INPP4B: variants seen among roughly 807,000 people sequenced by gnomAD.
The protein encoded by INPP4B is inositol polyphosphate-4-phosphatase type II B, also known as inositol polyphosphate 4-phosphatase type II.
INPP4B carries 55 observed loss-of-function variants against 122.5 expected under a neutral mutation model. The ratio of observed to expected loss-of-function variants is 0.45; its 90% CI spans 0.36 to 0.56. INPP4B has a LOEUF of 0.56. Among genes scored for constraint, INPP4B ranks in the 20% least tolerant of loss-of-function variants. The probability of loss-of-function intolerance (pLI) is 0.00; values close to 1 mark genes in which losing one functional copy is unlikely to be tolerated. For missense variants in INPP4B, 1,000 were observed against 1,097.7 expected (o/e 0.91, Z 1.26); for synonymous variants, 403 against 388.7 (o/e 1.04, Z -0.43).
chr4:142,691,974 T>A (rs1275565547), intron 2 of INPP4B, among the ~76,000 whole-genome samples: 1 of 152,150 alleles, frequency 6.6e-6, no homozygotes, highest in African/African-American at 2.4e-5. Flanking sequence ...TATGAAGAAT[T>A]ACAGAATGTT....
At chr4:142,037,158 G>GAA (rs1362633801) in intron 25 of INPP4B, among the ~76,000 whole-genome samples, 1 of 152,138 alleles carries the variant, frequency 6.6e-6, no homozygotes, top group Non-Finnish European at 1.5e-5. Context: ...CTGCAGGATA[G>GAA]AAAATGATCT....
chr4:142,234,039 G>A (rs186182590), intron 12 of INPP4B, among the ~76,000 whole-genome samples: 31 of 152,066 alleles, frequency 2.0e-4, no homozygotes, highest in African/African-American at 6.8e-4. Context: ...TGTTCCACTG[G>A]GTTCTACAGG....
chr4:142,115,942 G>A (rs895081161), intron 21 of INPP4B, among the ~76,000 whole-genome samples: 1 of 152,020 alleles, frequency 6.6e-6, no homozygotes, highest in Admixed American at 6.6e-5. Flanking sequence ...ACACACATAG[G>A]CTCAAAATAA....
intron 7 of INPP4B, among the ~76,000 whole-genome samples, chr4:142,370,918 G>T (rs943515705): frequency 1.2e-4 from 18 of 151,988 alleles, no homozygotes; most frequent in Non-Finnish European, 1.8e-4. Flanking sequence ...CCTCATAGAA[G>T]TAGAAAAAGA....
chr4:142,099,235 T>C (rs17468315), intron 23 of INPP4B, among the ~76,000 whole-genome samples: 15,688 of 152,226 alleles, frequency 0.1, 1,089 homozygotes, highest in South Asian at 0.21. Flanking sequence ...TTGGGACATT[T>C]TCAAACTTAA....
At chr4:142,183,530 A>G (rs1461746045) in intron 15 of INPP4B, among the ~76,000 whole-genome samples, 1 of 147,890 alleles carries the variant, frequency 6.8e-6, no homozygotes, top group Non-Finnish European at 1.5e-5. Flanking sequence ...AATATAGTAT[A>G]TTTTATTTGT....
chr4:142,067,219 A>G (rs1045343969), intron 25 of INPP4B, among the ~76,000 whole-genome samples: 1 of 152,156 alleles, frequency 6.6e-6, no homozygotes, highest in Non-Finnish European at 1.5e-5. Flanking sequence ...CAGGGTCTGG[A>G]GTGGACCTCC....
chr4:142,457,546 G>A lies in INPP4B; in HGVS notation c.-127+5117C>T, dbSNP rs145485408. ...TAAATAAGCACATGGAAAAAATGTT[G>A]TGTCATTAGTCATTAAGAATATATA... On this transcript the variant is annotated intron_variant, in intron 3 of 25. Transcript: ENST00000262992. Among the ~76,000 whole-genome samples the A allele has an allele frequency of 5.9e-5, 9 of 152,240 alleles. 1 individual carries two copies. Among genetic ancestry groups the A allele is most frequent in the South Asian group, 2.1e-4 (1 of 4,820 alleles).
intron 3 of INPP4B, among the ~76,000 whole-genome samples, chr4:142,445,361 A>T (rs1044413230): frequency 6.6e-6 from 1 of 151,428 alleles, no homozygotes; most frequent in East Asian, 1.9e-4. Context: ...TAATGACTGA[A>T]TTTGCAAAAA....
intron 1 of INPP4B, among the ~76,000 whole-genome samples, chr4:142,757,687 G>A (rs1192002591): frequency 6.6e-6 from 1 of 151,912 alleles, no homozygotes; most frequent in African/African-American, 2.4e-5. Flanking sequence ...CTCACCTACT[G>A]AAAGGCACCT....
intron 9 of INPP4B, among the ~76,000 whole-genome samples, chr4:142,294,829 C>CAAAAAAAAGAAAAAAAA (rs1757909667): frequency 7.0e-5 from 2 of 28,462 alleles, no homozygotes; most frequent in Non-Finnish European, 6.4e-5. Context: ...GACTCCGTCT[C>CAAAAAAAAGAAAAAAAA]AAAAAAAAAA....
chr4:142,208,861 T>C lies in INPP4B; in HGVS notation c.967+35A>G. The stretch of plus-strand genomic sequence containing the variant: ...TTCATTTCACATGCAGGAAATGCAA[T>C]TCACTTTGAGTAAGTAGAGAAATTG... On this transcript the variant is annotated intron_variant, in intron 13 of 25. Coordinates refer to ENST00000262992, the MANE Select transcript of INPP4B (RefSeq NM_001101669.3). 2.1e-6 allele frequency: 3 copies of C among 1,431,720 alleles called. No homozygotes were observed. The South Asian group carries it at 5.0e-5, about 24-fold the overall frequency. The allele number at this position is 1,431,720 out of a possible 1,614,324, so 88.7% of individuals were successfully genotyped here.
intron 2 of INPP4B, among the ~76,000 whole-genome samples, chr4:142,691,823 C>G (rs72728604): frequency 0.022 from 3,305 of 152,220 alleles, 54 homozygotes; most frequent in Non-Finnish European, 0.032. Flanking sequence ...GGGGGACAAG[C>G]AAAAGGCTTG....
chr4:142,371,882 A>G (rs1790054774), intron 7 of INPP4B, among the ~76,000 whole-genome samples: 1 of 151,782 alleles, frequency 6.6e-6, no homozygotes, highest in African/African-American at 2.4e-5. Flanking sequence ...AGTCTCTCAA[A>G]AAAAAAAAAA....
intron 7 of INPP4B, among the ~76,000 whole-genome samples, chr4:142,355,526 C>T (rs1424566087): frequency 3.9e-5 from 6 of 151,960 alleles, no homozygotes; most frequent in African/African-American, 1.4e-4. Flanking sequence ...ACTCACTAAA[C>T]CCACAATCAA....
intron 2 of INPP4B, among the ~76,000 whole-genome samples, chr4:142,631,566 A>G (rs1747961130): frequency 1.3e-5 from 2 of 152,142 alleles, no homozygotes; most frequent in Non-Finnish European, 2.9e-5. Flanking sequence ...TATTGAGGAC[A>G]TTAAGCCATG....
intron 1 of INPP4B, among the ~76,000 whole-genome samples, chr4:142,743,362 G>A (rs1472203393): frequency 1.3e-5 from 2 of 151,962 alleles, no homozygotes; most frequent in Non-Finnish European, 2.9e-5. Context: ...AATATGCAAG[G>A]CAAGAAGCCA....
intron 7 of INPP4B, among the ~76,000 whole-genome samples, chr4:142,377,726 T>C (rs1181595622): frequency 1.3e-5 from 2 of 152,098 alleles, no homozygotes; most frequent in Non-Finnish European, 2.9e-5. Flanking sequence ...ACTCAAGAAA[T>C]GAATGTTGGA....
intron 2 of INPP4B, among the ~76,000 whole-genome samples, chr4:142,650,425 T>C (rs1752688258): frequency 6.6e-6 from 1 of 151,666 alleles, no homozygotes; most frequent in African/African-American, 2.4e-5. Context: ...GACTGGCAAA[T>C]TGGATTAAGA....
Sources: allele counts gnomAD v4.1 joint callset (sites outside exome capture counted in the v4.1 genomes callset), GRCh38; gene constraint gnomAD v4.1.1; transcripts MANE v1.5; gene names NCBI Gene and HGNC (gene_info 2026-07-23, HGNC 2026-07-21).